Variants in ZNF804A observed in about 807,000 individuals in gnomAD.
The protein encoded by ZNF804A is zinc finger protein 804A.
In ZNF804A, 2 loss-of-function variants were observed where a neutral mutation model predicts 16.5. The ratio of observed to expected loss-of-function variants is 0.12; its 90% CI spans 0.05 to 0.38. The LOEUF is 0.38. Ranked by LOEUF, ZNF804A falls within the 10% of genes least tolerant of loss-of-function variation. ZNF804A has a pLI of 0.99. For missense variants in ZNF804A, 1,473 were observed against 1,390.7 expected (o/e 1.06, Z -0.94); for synonymous variants, 534 against 489.6 (o/e 1.09, Z -1.20).
chr2:184,794,335 T>C (rs917248548), intron 1 of ZNF804A, among the ~76,000 whole-genome samples: 2 of 152,164 alleles, frequency 1.3e-5, no homozygotes, highest in Non-Finnish European at 2.9e-5. Context: ...ATGTTGAGCA[T>C]TTTTTCATAC....
intron 1 of ZNF804A, among the ~76,000 whole-genome samples, chr2:184,783,330 A>G (rs1558960409): frequency 6.6e-6 from 1 of 151,558 alleles, no homozygotes; most frequent in African/African-American, 2.4e-5. Flanking sequence ...AGTTTTTATT[A>G]TAAACTAGGC....
At chr2:184,845,031 G>T (rs1695492166) in intron 1 of ZNF804A, among the ~76,000 whole-genome samples, 1 of 151,710 alleles carries the variant, frequency 6.6e-6, no homozygotes, top group Non-Finnish European at 1.5e-5. Context: ...TTCATTTAAG[G>T]TATATTTAAT....
At chr2:184,920,893 A>T (rs1054486335) in intron 2 of ZNF804A, among the ~76,000 whole-genome samples, 1 of 152,198 alleles carries the variant, frequency 6.6e-6, no homozygotes, top group African/African-American at 2.4e-5. Flanking sequence ...CGATGAAAAT[A>T]CACCTTAGCC....
At chr2:184,692,492 A>G (rs905955702) in intron 1 of ZNF804A, among the ~76,000 whole-genome samples, 1 of 152,130 alleles carries the variant, frequency 6.6e-6, no homozygotes, top group Non-Finnish European at 1.5e-5. Flanking sequence ...AATAATAAGC[A>G]TTACTCCTAG....
chr2:184,926,768 T>C (rs1685618913), intron 2 of ZNF804A, among the ~76,000 whole-genome samples: 1 of 152,324 alleles, frequency 6.6e-6, no homozygotes, highest in Middle Eastern at 3.4e-3. Context: ...AATTTTTTCT[T>C]CTGATAGATC....
At chr2:184,702,407 T>C (rs1692933635) in intron 1 of ZNF804A, among the ~76,000 whole-genome samples, 1 of 152,110 alleles carries the variant, frequency 6.6e-6, no homozygotes, top group East Asian at 1.9e-4. Flanking sequence ...TGGCTTACGA[T>C]TCCTCAAACC....
chr2:184,920,358 G>A (rs1458281400), intron 2 of ZNF804A, among the ~76,000 whole-genome samples: 4 of 152,180 alleles, frequency 2.6e-5, no homozygotes, highest in Non-Finnish European at 5.9e-5. Flanking sequence ...AAAATGACTT[G>A]CAAATTCTTT....
intron 2 of ZNF804A, among the ~76,000 whole-genome samples, chr2:184,917,025 A>G (rs183976471): frequency 1.5e-4 from 23 of 152,298 alleles, no homozygotes; most frequent in African/African-American, 5.1e-4. Context: ...AGGGTAATCT[A>G]CTTCACTCAA....
intron 1 of ZNF804A, among the ~76,000 whole-genome samples, chr2:184,734,244 C>T (rs1329365751): frequency 6.6e-6 from 1 of 152,012 alleles, no homozygotes; most frequent in Non-Finnish European, 1.5e-5. Flanking sequence ...TTCTATTTTC[C>T]TAAGGTGGAA....
In ZNF804A at chr2:184,844,853, A is replaced by G. The variant is rs191039672; in HGVS notation, c.112-21516A>G. 5.1e-3 allele frequency among the ~76,000 whole-genome samples: 778 copies of G among 151,988 alleles called. 7 individuals carry two copies. Among genetic ancestry groups the G allele is most frequent in the Middle Eastern group, 0.041 (12 of 294 alleles). On this transcript the variant is annotated intron_variant, in intron 1 of 3. Coordinates refer to ENST00000302277, the MANE Select transcript of ZNF804A (RefSeq NM_194250.2). ...AGCTTTTGATATTCTAAATATACAT[A>G]TGTTACACCCTTTGATATTATTTCA...
rs547903636 is a variant in ZNF804A, at chr2:184,907,425, C to A, written c.256-26178C>A. On this transcript the variant is annotated intron_variant, in intron 2 of 3. Transcript: ENST00000302277. ...AGCTTATTTACAATAATTCATAAATCATTTCTTGGGAATATGCCTCCCTCT... is the reference window on the plus strand; with the variant it reads ...AGCTTATTTACAATAATTCATAAATAATTTCTTGGGAATATGCCTCCCTCT... Among the ~76,000 whole-genome samples the A allele has an allele frequency of 1.4e-4, 21 of 152,232 alleles. 1 individual carries two copies. Among genetic ancestry groups the A allele is most frequent in the African/African-American group, 4.8e-4 (20 of 41,548 alleles).
At chr2:184,664,918 CT>C (rs542843775) in intron 1 of ZNF804A, among the ~76,000 whole-genome samples, 1 of 152,108 alleles carries the variant, frequency 6.6e-6, no homozygotes, top group Non-Finnish European at 1.5e-5. Context: ...AATGGAAATA[CT>C]TTAGAACTAA....
chr2:184,923,717 A>G (rs1431015949), intron 2 of ZNF804A, among the ~76,000 whole-genome samples: 1 of 152,036 alleles, frequency 6.6e-6, no homozygotes, highest in Non-Finnish European at 1.5e-5. Flanking sequence ...ATGTTGAGGT[A>G]TGCTCCTTCT....
At chr2:184,896,076 TG>T (rs1348159202) in intron 2 of ZNF804A, among the ~76,000 whole-genome samples, 2 of 152,146 alleles carry the variant, frequency 1.3e-5, no homozygotes, top group Admixed American at 6.6e-5. Context: ...ATTTGCCACG[TG>T]TTTTTTTTCT....
At chr2:184,735,784 T>C (rs1434697986) in intron 1 of ZNF804A, among the ~76,000 whole-genome samples, 2 of 152,162 alleles carry the variant, frequency 1.3e-5, no homozygotes, top group African/African-American at 4.8e-5. Context: ...GTTTTTATTC[T>C]TCAAGCCAAA....
At chr2:184,908,590 G>A (rs1041827873) in intron 2 of ZNF804A, among the ~76,000 whole-genome samples, 3 of 152,182 alleles carry the variant, frequency 2.0e-5, no homozygotes, top group Non-Finnish European at 4.4e-5. Context: ...TTATAAGATA[G>A]CTAATTATCA....
chr2:184,905,383 A>G (rs1052422147), intron 2 of ZNF804A, among the ~76,000 whole-genome samples: 3 of 151,976 alleles, frequency 2.0e-5, no homozygotes, highest in Admixed American at 1.3e-4. Flanking sequence ...GAAATTTCAC[A>G]TTTAGGATAA....
chr2:184,843,808 T>G (rs956300235), intron 1 of ZNF804A, among the ~76,000 whole-genome samples: 2 of 152,192 alleles, frequency 1.3e-5, no homozygotes, highest in African/African-American at 2.4e-5. Flanking sequence ...AAATAGTTAG[T>G]CTGGCTTTTT....
At chr2:184,883,538 C>T (rs536340283) in intron 2 of ZNF804A, among the ~76,000 whole-genome samples, 1 of 152,054 alleles carries the variant, frequency 6.6e-6, no homozygotes, top group Non-Finnish European at 1.5e-5. Flanking sequence ...TATGCAAAAT[C>T]CTTTTGAATA....
Sources: gnomAD v4.1 joint callset for allele counts (sites outside exome capture counted in the v4.1 genomes callset) on GRCh38, gnomAD v4.1.1 for gene constraint, MANE v1.5 for transcripts, NCBI Gene and HGNC (gene_info 2026-07-23, HGNC 2026-07-21) for gene names.